The following FTO variants were observed in gnomAD, a reference collection of about 807,000 sequenced individuals.
FTO encodes the protein FTO alpha-ketoglutarate dependent dioxygenase, also known as alpha-ketoglutarate-dependent dioxygenase FTO.
FTO carries 47 observed loss-of-function variants against 63.9 expected under a neutral mutation model. That is an observed-to-expected ratio of 0.74 (90% CI 0.58 to 0.94). FTO has a LOEUF of 0.94. Ranked by LOEUF, FTO falls within the 40% of genes least tolerant of loss-of-function variation. FTO has a pLI of 0.00. For missense variants in FTO, 562 were observed against 618.1 expected, an observed-to-expected ratio of 0.91 and a Z score of 0.96; for synonymous variants, 207 against 224.4, an observed-to-expected ratio of 0.92 and a Z score of 0.69.
intron 8 of FTO, among the ~76,000 whole-genome samples, chr16:53,975,410 T>C (rs1173547316): frequency 2.0e-5 from 3 of 152,136 alleles, no homozygotes; most frequent in Non-Finnish European, 4.4e-5. Context: ...ATACAATTAT[T>C]GCTATTACAC....
intron 8 of FTO, among the ~76,000 whole-genome samples, chr16:54,035,315 G>C (rs1430439079): frequency 6.6e-6 from 1 of 152,198 alleles, no homozygotes; most frequent in Non-Finnish European, 1.5e-5. Context: ...TCTTCATTTT[G>C]ATGGGGCCAT....
At chr16:53,831,457 G>GC (rs894736678) in intron 3 of FTO, among the ~76,000 whole-genome samples, 2 of 14,598 alleles carry the variant, frequency 1.4e-4, no homozygotes, top group Non-Finnish European at 4.0e-4. Flanking sequence ...GAAGACCAAA[G>GC]GGGGGGAAAA....
intron 1 of FTO, among the ~76,000 whole-genome samples, chr16:53,748,493 C>T (rs1407327901): frequency 6.6e-6 from 1 of 152,102 alleles, no homozygotes; most frequent in Admixed American, 6.6e-5. Flanking sequence ...CTTTCTCTGT[C>T]ACCCAGGCAG....
At chr16:53,776,860 T>C (rs1034701884) in intron 1 of FTO, among the ~76,000 whole-genome samples, 1 of 152,188 alleles carries the variant, frequency 6.6e-6, no homozygotes, top group Admixed American at 6.5e-5. Flanking sequence ...TAATTGCTTC[T>C]TCAGCTATTA....
rs145545209 is a variant in FTO, at chr16:54,025,239, T to C, written c.1365-86523T>C. On this transcript the variant is annotated intron_variant, in intron 8 of 8. Transcript: ENST00000471389. ...CCAGACGAAATTGGAGCACTGTTAA[T>C]ACTAGAAGATAGAGAAATGGAGGCT... 2.6e-4 allele frequency among the ~76,000 whole-genome samples: 40 copies of C among 152,324 alleles called. No homozygotes were observed. In the East Asian group the frequency reaches 7.1e-3, roughly 27 times the overall value.
chr16:53,744,864 C>T (rs924154247), intron 1 of FTO, among the ~76,000 whole-genome samples: 4 of 151,052 alleles, frequency 2.6e-5, no homozygotes, highest in Non-Finnish European at 5.9e-5. Flanking sequence ...AGAGCTCCTA[C>T]CGTCTTTGAC....
At chr16:53,882,705 T>A (rs1295880071) in intron 6 of FTO, among the ~76,000 whole-genome samples, 1 of 152,224 alleles carries the variant, frequency 6.6e-6, no homozygotes, top group Non-Finnish European at 1.5e-5. Context: ...GGACAAGGCC[T>A]TTCCTTTTTA....
intron 8 of FTO, among the ~76,000 whole-genome samples, chr16:53,975,819 T>G (rs1304352978): frequency 1.3e-5 from 2 of 152,226 alleles, no homozygotes; most frequent in African/African-American, 4.8e-5. Flanking sequence ...AGATTTATAT[T>G]GTATTTACTA....
intron 8 of FTO, among the ~76,000 whole-genome samples, chr16:54,080,524 A>T (rs1374638016): frequency 6.6e-6 from 1 of 152,204 alleles, no homozygotes; most frequent in Non-Finnish European, 1.5e-5. Context: ...ACTTCAATCA[A>T]AGCCTCTCTT....
Position 53,844,308 on chromosome 16 carries a change from G to A in FTO, c.895+10G>A, listed in dbSNP as rs770717332. 2.5e-6 allele frequency: 4 copies of A among 1,607,220 alleles called. No individual in the cohort carries two copies. Among genetic ancestry groups the A allele is most frequent in the Admixed American group, 1.7e-5 (1 of 59,906 alleles). The stretch of plus-strand genomic sequence containing the variant: ...TGCTATTTCATGCTTGGTAATCTTT[G>A]GAAAATCAAAATTATATTGAAACTC... On this transcript the variant is annotated intron_variant, in intron 4 of 8. Transcript: ENST00000471389.
chr16:54,095,734 T>C (rs2086501569), intron 8 of FTO, among the ~76,000 whole-genome samples: 1 of 152,136 alleles, frequency 6.6e-6, no homozygotes, highest in Non-Finnish European at 1.5e-5. Context: ...CCCTCTGTCT[T>C]TTCTGCTGCC....
At chr16:53,889,866 A>G (rs2081104578) in intron 7 of FTO, among the ~76,000 whole-genome samples, 1 of 152,154 alleles carries the variant, frequency 6.6e-6, no homozygotes, top group African/African-American at 2.4e-5. Context: ...CTTACATAAT[A>G]CTTATTAAGT....
intron 8 of FTO, among the ~76,000 whole-genome samples, chr16:53,949,393 TAA>T (rs1171202711): frequency 6.6e-6 from 1 of 152,202 alleles, no homozygotes; most frequent in Non-Finnish European, 1.5e-5. Context: ...GAGGAAAATG[TAA>T]AAATATTTTT....
intron 1 of FTO, among the ~76,000 whole-genome samples, chr16:53,803,550 TA>T (rs932362695): frequency 6.6e-6 from 1 of 152,178 alleles, no homozygotes; most frequent in East Asian, 1.9e-4. Context: ...TAAAAACTTT[TA>T]AAAAAATGTT....
rs1567583674 is a variant in FTO at position 54,118,888 on chromosome 16, C to T, written c.*6973C>T. On this transcript the variant is annotated 3_prime_UTR_variant, in exon 9 of 9. Transcript: ENST00000471389. ...TAAATGCTAAAGTCCTACTCAAGTC[C>T]AAGGGAGAGAAATTATTATTATTCG... 1 of 152,086 alleles carries T rather than the reference C, an allele frequency of 6.6e-6. No individual in the cohort carries two copies. Among genetic ancestry groups the T allele is most frequent in the Non-Finnish European group, 1.5e-5 (1 of 68,034 alleles). 9.4% of individuals were successfully genotyped at this position (152,086 alleles called of 1,614,324 possible).
chr16:53,837,398 T>G (rs1450543727), intron 3 of FTO, among the ~76,000 whole-genome samples: 2 of 152,258 alleles, frequency 1.3e-5, no homozygotes, highest in Non-Finnish European at 2.9e-5. Flanking sequence ...AACTTATAAT[T>G]AATTTTACAA....
At chr16:53,834,865 A>G (rs1348847894) in intron 3 of FTO, among the ~76,000 whole-genome samples, 1 of 152,126 alleles carries the variant, frequency 6.6e-6, no homozygotes, top group Non-Finnish European at 1.5e-5. Flanking sequence ...AGATTTACCT[A>G]GCTCTCTTCT....
At chr16:54,035,085 C>A (rs2084914065) in intron 8 of FTO, among the ~76,000 whole-genome samples, 2 of 152,206 alleles carry the variant, frequency 1.3e-5, no homozygotes. Flanking sequence ...TGAAAGAATT[C>A]ATACATCTTT....
intron 8 of FTO, among the ~76,000 whole-genome samples, chr16:54,040,931 G>A (rs1034338924): frequency 9.2e-5 from 14 of 152,148 alleles, no homozygotes; most frequent in African/African-American, 2.7e-4. Context: ...AGAAAATACC[G>A]AGGCTTCTCC....
Sources: gnomAD v4.1 joint callset for allele counts (sites outside exome capture counted in the v4.1 genomes callset) on GRCh38, gnomAD v4.1.1 for gene constraint, MANE v1.5 for transcripts, NCBI Gene and HGNC (gene_info 2026-07-23, HGNC 2026-07-21) for gene names.